The following GNLY variants were observed in gnomAD, a reference collection of about 807,000 sequenced individuals.
GNLY encodes the protein T-cell activation protein 519.
In GNLY, 15 loss-of-function variants were observed where a neutral mutation model predicts 18.5. The observed-to-expected ratio is 0.81, with a 90% CI of 0.54 to 1.25. GNLY has a LOEUF of 1.25. Ranked by LOEUF, GNLY falls within the 50% of genes most tolerant of loss-of-function variation. The probability of loss-of-function intolerance (pLI) is 0.00; values close to 1 mark genes in which losing one functional copy is unlikely to be tolerated. For missense variants in GNLY, 178 were observed against 186.9 expected (o/e 0.95, Z 0.28); for synonymous variants, 77 against 74.9 (o/e 1.03, Z -0.14).
intron 3 of GNLY, 165 bp from the exon 4 acceptor site, chr2:85,697,341 G>A: frequency 1.6e-6 from 1 of 634,286 alleles, no homozygotes; most frequent in Non-Finnish European, 2.8e-6. Context: ...TGGGGACTGG[G>A]AGTAGGGGCT....
chr2:85,696,965 C>T (rs11887600), intron 3 of GNLY: 16,374 of 158,008 alleles, frequency 0.1, 980 homozygotes, highest in African/African-American at 0.17. Flanking sequence ...CTTCCCTCTC[C>T]TCTGCTGCCC....
At chr2:85,696,556 T>A (rs1678461446) in intron 3 of GNLY, 2 of 152,458 alleles carry the variant, frequency 1.3e-5, no homozygotes, top group African/African-American at 5.0e-5. Context: ...TTTTTTTTCC[T>A]TGAGATAGGA....
intron 3 of GNLY, chr2:85,697,229 C>G (rs1678489486): frequency 4.8e-6 from 2 of 412,748 alleles, no homozygotes; most frequent in East Asian, 9.2e-5. Context: ...GCACCATTCT[C>G]CACACAGAAG....
chr2:85,694,404 A>T lies in GNLY; in HGVS notation c.-15A>T, dbSNP rs777698962. ...TAAAACAGGGTGTGAAAGGCATCTC[A>T]GCGGCTGCCCCACCATGGCTACCTG... On this transcript the variant is annotated 5_prime_UTR_variant, in exon 1 of 5. Coordinates refer to ENST00000263863, the MANE Select transcript of GNLY (RefSeq NM_006433.5). 6.2e-7 allele frequency: 1 copy of T among 1,613,740 alleles called. No homozygotes were observed. The highest frequency in any genetic ancestry group is 1.3e-5 in the African/African-American group (1 of 75,068).
chr2:85,695,270 TC>T lies in GNLY; in HGVS notation c.53-47del, dbSNP rs762485663. The T allele has an allele frequency of 3.0e-6, 4 of 1,327,910 alleles. No individual in the cohort carries two copies. In the East Asian group the frequency reaches 9.3e-5, roughly 31 times the overall value. 82.3% of individuals were successfully genotyped at this position (1,327,910 alleles called of 1,614,324 possible). A position where few individuals can be genotyped will look rare whatever the true frequency, so the allele number is the denominator to read the frequency against. ...TCCCACCAGCCAGGAGAACGGGCTT[TC>T]CCTCTCCTTCCGCCTGCGGAGGGGA... On this transcript the variant is annotated intron_variant, in intron 1 of 4. Coordinates refer to ENST00000263863, the MANE Select transcript of GNLY (RefSeq NM_006433.5).
intron 4 of GNLY, 41 bp from the exon 5 acceptor site, chr2:85,698,523 C>T: frequency 6.2e-7 from 1 of 1,613,124 alleles, no homozygotes; most frequent in Non-Finnish European, 8.5e-7. Context: ...CCTTGAGGAC[C>T]CACCACATCT....
intron 2 of GNLY, 56 bp downstream of exon 2, chr2:85,695,479 G>T: frequency 9.4e-7 from 1 of 1,059,218 alleles, no homozygotes; most frequent in Non-Finnish European, 1.5e-6. Flanking sequence ...CCTCCTCCCT[G>T]GTGGCTCCTG....
At chr2:85,698,458 T>C in intron 4 of GNLY, 106 bp from the exon 5 acceptor site, 1 of 1,600,174 alleles carries the variant, frequency 6.2e-7, no homozygotes, top group Non-Finnish European at 8.5e-7. Context: ...GTGTGTTCAG[T>C]AGGGTCAGGT....
Position 85,697,502 on chromosome 2 carries a change from G to T in GNLY, c.256-4G>T. The T allele has an allele frequency of 6.2e-7, 1 of 1,611,724 alleles. No individual in the cohort carries two copies. Among genetic ancestry groups the T allele is most frequent in the Non-Finnish European group, 8.5e-7 (1 of 1,179,420 alleles). On this transcript the variant is annotated splice_polypyrimidine_tract_variant and splice_region_variant and intron_variant, in intron 3 of 4. Transcript: ENST00000263863. ...CCATGTCCACTGTGGTGCTGCTGCT[G>T]CAGAGAAGTGTTTCCAATGCTGCGA...
intron 1 of GNLY, 150 bp downstream of exon 1, chr2:85,694,620 C>CTGAGGGG: frequency 9.7e-7 from 1 of 1,036,224 alleles, no homozygotes; most frequent in Non-Finnish European, 1.4e-6. Context: ...GGCCTCCCCT[C>CTGAGGGG]AGAGCCAGGC....
chr2:85,695,811 G>C, intron 2 of GNLY, 147 bp from the exon 3 acceptor site: 1 of 623,968 alleles, frequency 1.6e-6, no homozygotes, highest in Non-Finnish European at 2.9e-6. Flanking sequence ...CAGGCAGCCA[G>C]TTCAGGCCTT....
At position 85,698,700 on chromosome 2, in the gene GNLY, C is replaced by A; in HGVS notation, c.*126C>A. 6.3e-7 allele frequency: 1 copy of A among 1,592,996 alleles called. No individual in the cohort carries two copies. ...CCACTCTCCAGTCTCCCTCCCCTGA[C>A]TCCCTCTGCTGTCCTCCCCTCTCAC... On this transcript the variant is annotated 3_prime_UTR_variant, in exon 5 of 5. Coordinates refer to ENST00000263863, the MANE Select transcript of GNLY (RefSeq NM_006433.5).
chr2:85,695,554 T>C, intron 2 of GNLY, 131 bp downstream of exon 2: 1 of 655,598 alleles, frequency 1.5e-6, no homozygotes, highest in South Asian at 1.7e-5. Context: ...TTTCTGACGA[T>C]GCTGGTTTTG....
At chr2:85,698,455 C>T in intron 4 of GNLY, 109 bp from the exon 5 acceptor site, 2 of 1,595,810 alleles carry the variant, frequency 1.3e-6, no homozygotes, top group Non-Finnish European at 1.7e-6. Flanking sequence ...TGGGTGTGTT[C>T]AGTAGGGTCA....
At chr2:85,695,198 C>T in intron 1 of GNLY, 122 bp from the exon 2 acceptor site, 6 of 822,008 alleles carry the variant, frequency 7.3e-6, no homozygotes, top group East Asian at 2.7e-5. Context: ...TATCCTGGCC[C>T]CCTGCAAGGC....
chr2:85,696,139 C>CG, intron 3 of GNLY, 83 bp downstream of exon 3: 1 of 749,486 alleles, frequency 1.3e-6, no homozygotes. Flanking sequence ...TCGGGGAGCC[C>CG]GGGGGCACCT....
Position 85,694,407 on chromosome 2 carries a change from G to A in GNLY, c.-12G>A, listed in dbSNP as rs373976919. 1.3e-5 allele frequency: 21 copies of A among 1,613,684 alleles called. No individual in the cohort carries two copies. The highest frequency in any genetic ancestry group is 1.6e-4 in the Middle Eastern group (1 of 6,082). Reference sequence around the variant, plus strand: ...AACAGGGTGTGAAAGGCATCTCAGCGGCTGCCCCACCATGGCTACCTGGGC... The same window carrying A: ...AACAGGGTGTGAAAGGCATCTCAGCAGCTGCCCCACCATGGCTACCTGGGC... On this transcript the variant is annotated 5_prime_UTR_variant, in exon 1 of 5. Coordinates refer to ENST00000263863, the MANE Select transcript of GNLY (RefSeq NM_006433.5).
intron 1 of GNLY, chr2:85,694,944 C>G: frequency 6.3e-7 from 1 of 1,586,952 alleles, no homozygotes; most frequent in Non-Finnish European, 8.6e-7. Context: ...GCCCCAAGGG[C>G]AAGAACACTT....
chr2:85,696,050 C>T lies in GNLY; in HGVS notation c.249C>T (p.Pro83=). Residue 83 remains proline (P), a synonymous_variant, in exon 3 of 5, where the codon CCC becomes CCT. Transcript: ENST00000263863. The part of the protein sequence containing the change: ...VQKLKKMVDK[P]TQRSVSNAAT... The stretch of plus-strand genomic sequence containing the variant: ...AACTGAAGAAGATGGTGGATAAGCC[C>T]ACCCAGGTGAGGCCAAGGGGCTACA... 6.3e-7 allele frequency: 1 copy of T among 1,582,010 alleles called. No individual in the cohort carries two copies. The highest frequency in any genetic ancestry group is 8.7e-7 in the Non-Finnish European group (1 of 1,151,884).
Sources: allele counts gnomAD v4.1 joint callset, GRCh38; gene constraint gnomAD v4.1.1; transcripts MANE v1.5; gene names NCBI Gene and HGNC (gene_info 2026-07-23, HGNC 2026-07-21).